Variants in CYP2F1 observed in about 807,000 individuals in gnomAD.
The protein encoded by CYP2F1 is cytochrome P450 family 2 subfamily F member 1.
Under a neutral mutation model 40.4 loss-of-function variants are expected in CYP2F1, and 33 were observed. That is an observed-to-expected ratio of 0.82 (90% CI 0.62 to 1.09). CYP2F1 has a LOEUF of 1.09. Among genes scored for constraint, CYP2F1 ranks in the 50% least tolerant of loss-of-function variants. The pLI, the probability that CYP2F1 is intolerant of heterozygous loss-of-function variation, is 0.00. For synonymous variants in CYP2F1, 235 were observed against 277.2 expected (o/e 0.85, Z 1.51); for missense variants, 566 against 655.7 (o/e 0.86, Z 1.49).
intron 7 of CYP2F1, among the ~76,000 whole-genome samples, chr19:41,124,187 C>T (rs1181380861): frequency 2.0e-5 from 3 of 147,990 alleles, no homozygotes; most frequent in Admixed American, 6.8e-5. Context: ...GCCAAGCTTT[C>T]GCCCTCACTG....
In CYP2F1 at chr19:41,116,283, C is replaced by A; in HGVS notation, c.95C>A (p.Pro32Gln). Residue 32 changes from proline to glutamine, a missense_variant, in exon 2 of 10, where the codon CCG (proline) becomes CAG (glutamine). Pro to Gln is a moderately conservative substitution (Grantham distance 76). Coordinates refer to ENST00000331105, the MANE Select transcript of CYP2F1 (RefSeq NM_000774.5). ...LSSRDKGKLP[P>Q]GPRPLSILGN... is the part of the protein sequence containing the mutation. Reference sequence around the variant, plus strand: ...TCAAGAGATAAGGGAAAGCTGCCTCCGGGACCCAGACCCCTCTCAATCCTG... The same window carrying A: ...TCAAGAGATAAGGGAAAGCTGCCTCAGGGACCCAGACCCCTCTCAATCCTG... 3 of 1,614,086 alleles carry A rather than the reference C, an allele frequency of 1.9e-6. No individual in the cohort carries two copies. The highest frequency in any genetic ancestry group is 2.5e-6 in the Non-Finnish European group (3 of 1,180,012).
chr19:41,117,583 G>A (rs1374618328), intron 3 of CYP2F1, among the ~76,000 whole-genome samples: 1 of 152,000 alleles, frequency 6.6e-6, no homozygotes, highest in Non-Finnish European at 1.5e-5. Context: ...CCAACCCCAA[G>A]TTCAAGCTCA....
At position 41,119,786 on chromosome 19, in the gene CYP2F1, T is replaced by C. The variant is rs866733175; in HGVS notation, c.335-561T>C. Among the ~76,000 whole-genome samples, 161 of 82,802 alleles carry C rather than the reference T, an allele frequency of 1.9e-3. 4 individuals are homozygous for C. Among genetic ancestry groups the C allele is most frequent in the Non-Finnish European group, 3.2e-3 (128 of 39,710 alleles). The allele number at this position is 82,802 out of a possible 152,430, so 54.3% of individuals were successfully genotyped here. ...ACACACACACACACACACACACACA[T>C]ATATATTAGGTGGGCGTGGTGGTGC... On this transcript the variant is annotated intron_variant, in intron 3 of 9. Coordinates refer to ENST00000331105, the MANE Select transcript of CYP2F1 (RefSeq NM_000774.5).
chr19:41,116,413 T>A (rs766915556), intron 2 of CYP2F1, 42 bp from the exon 3 acceptor site: 2 of 1,608,658 alleles, frequency 1.2e-6, no homozygotes. Flanking sequence ...AGGGGTCCCA[T>A]GGCCACAGGC....
rs1173108205 is a variant in CYP2F1, at chr19:41,125,635, G to A, written c.1294+1G>A. The A allele has an allele frequency of 6.2e-7, 1 of 1,613,514 alleles. No homozygotes were observed. Among genetic ancestry groups the A allele is most frequent in the African/African-American group, 1.3e-5 (1 of 74,732 alleles). On this transcript the variant is annotated splice_donor_variant, in intron 9 of 9. Coordinates refer to ENST00000331105, the MANE Select transcript of CYP2F1 (RefSeq NM_000774.5). LOFTEE classifies it high-confidence loss of function. ...CCAGCCTTCATGCCCTTCTCAGCTGGTGAGGGCAGGAATCAGAGTCTTTCT... is the reference window on the plus strand; with the variant it reads ...CCAGCCTTCATGCCCTTCTCAGCTGATGAGGGCAGGAATCAGAGTCTTTCT...
chr19:41,128,164 T>A lies in CYP2F1; in HGVS notation c.*82T>A, dbSNP rs903000017. ...TACGTCCCCTTCTTGGTCCACAGTC[T>A]GCCCTCATCCCTCTGGCAGTCACGC... On this transcript the variant is annotated 3_prime_UTR_variant, in exon 10 of 10. Transcript: ENST00000331105. The A allele has an allele frequency of 2.4e-5, 33 of 1,383,042 alleles. No individual in the cohort carries two copies. The highest frequency in any genetic ancestry group is 4.4e-5 in the Admixed American group (2 of 45,630). The allele number at this position is 1,383,042 out of a possible 1,614,324, so 85.7% of individuals were successfully genotyped here. A position where few individuals can be genotyped will look rare whatever the true frequency, so the allele number is the denominator to read the frequency against.
In CYP2F1 at chr19:41,119,731, A is replaced by C. The variant is rs1180210226; in HGVS notation, c.335-616A>C. Among the ~76,000 whole-genome samples, 31 of 45,694 alleles carry C rather than the reference A, an allele frequency of 6.8e-4. 1 individual carries two copies. The highest frequency in any genetic ancestry group is 1.0e-3 in the African/African-American group (13 of 12,644). 30.0% of individuals were successfully genotyped at this position (45,694 alleles called of 152,430 possible). A position where few individuals can be genotyped will look rare whatever the true frequency, so the allele number is the denominator to read the frequency against. On this transcript the variant is annotated intron_variant, in intron 3 of 9. Coordinates refer to ENST00000331105, the MANE Select transcript of CYP2F1 (RefSeq NM_000774.5). ...TCTCTCTCTCTCTCTCTCTATATAT[A>C]TATATATATATATATATACACACAC...
chr19:41,125,907 T>A, intron 9 of CYP2F1: 1 of 490,784 alleles, frequency 2.0e-6, no homozygotes, highest in South Asian at 1.8e-5. Flanking sequence ...CTGAGGTGGG[T>A]GGATCGCCTG....
At position 41,119,139 on chromosome 19, in the gene CYP2F1, A is replaced by G. The variant is rs2031989302; in HGVS notation, c.335-1208A>G. On this transcript the variant is annotated intron_variant, in intron 3 of 9. Coordinates refer to ENST00000331105, the MANE Select transcript of CYP2F1 (RefSeq NM_000774.5). ...AGAGGGGACCTCTAAGCTGAAACCT[A>G]AAGAATGAAGATGAGTATTCAGGAG... is the stretch of plus-strand genomic sequence containing the variant. Among the ~76,000 whole-genome samples, 2 of 152,136 alleles carry G rather than the reference A, an allele frequency of 1.3e-5. 1 individual carries two copies. The highest frequency in any genetic ancestry group is 4.1e-4 in the South Asian group (2 of 4,826).
chr19:41,120,491 C>G lies in CYP2F1; in HGVS notation c.479C>G (p.Thr160Ser). 6.2e-7 allele frequency: 1 copy of G among 1,612,330 alleles called. No individual in the cohort carries two copies. The highest frequency in any genetic ancestry group is 8.5e-7 in the Non-Finnish European group (1 of 1,179,476). ...GSFLLAELRK[T>S]EGEPFDPTFV... ...TTCCTGCTGGCGGAGCTGCGGAAAACTGAAGGTCAGGAATTTTTTTTAACA... is the reference window on the plus strand; with the variant it reads ...TTCCTGCTGGCGGAGCTGCGGAAAAGTGAAGGTCAGGAATTTTTTTTAACA... Residue 160 changes from threonine to serine, a missense_variant, in exon 4 of 10, where the codon ACT (threonine) becomes AGT (serine). Physicochemically the swap from Thr to Ser is moderately conservative, Grantham distance 58. Coordinates refer to ENST00000331105, the MANE Select transcript of CYP2F1 (RefSeq NM_000774.5).
At chr19:41,121,018 T>C (rs73545055) in intron 4 of CYP2F1, among the ~76,000 whole-genome samples, 23,572 of 151,744 alleles carry the variant, frequency 0.16, 2,499 homozygotes, top group African/African-American at 0.3. Context: ...GCTGGCTTTA[T>C]GTGTTGGTGT....
chr19:41,124,937 A>G, intron 8 of CYP2F1, 31 bp downstream of exon 8: 1 of 1,569,140 alleles, frequency 6.4e-7, no homozygotes, highest in South Asian at 1.2e-5. Context: ...GACATCAGGC[A>G]ACCTAAGAGG....
In CYP2F1 at chr19:41,122,953, A is replaced by G. The variant is rs759466316; in HGVS notation, c.954A>G (p.Pro318=). 8.7e-6 allele frequency: 14 copies of G among 1,613,034 alleles called. No homozygotes were observed. Among genetic ancestry groups the G allele is most frequent in the African/African-American group, 8.0e-5 (6 of 74,860 alleles). Residue 318 remains proline, a synonymous_variant, in exon 7 of 10, where the codon CCA becomes CCG. Coordinates refer to ENST00000331105, the MANE Select transcript of CYP2F1 (RefSeq NM_000774.5). The stretch of plus-strand genomic sequence containing the variant: ...CCTTCCTGGCACTCATGAAGTACCC[A>G]AAAGTTCAAGGTGAGGCCCACCCAC... ...HHAFLALMKY[P]KVQARVQEEI...
chr19:41,124,457 G>A (rs1313149955), intron 7 of CYP2F1, among the ~76,000 whole-genome samples: 2 of 151,720 alleles, frequency 1.3e-5, no homozygotes, highest in African/African-American at 4.8e-5. Context: ...TGGAGATTGG[G>A]TTTCACCATG....
Position 41,120,397 on chromosome 19 carries a change from A to G in CYP2F1, c.385A>G (p.Ile129Val). ...DRWKVLRQFS[I>V]QILRNFGMGK... is the part of the protein sequence containing the mutation. ...ATGGAAGGTCCTGAGACAGTTCTCT[A>G]TCCAGATTCTACGGAATTTCGGGAT... Residue 129 changes from isoleucine (I) to valine (V), a missense_variant, in exon 4 of 10, where the codon ATC becomes GTC. Physicochemically the swap from Ile to Val is conservative, Grantham distance 29. Transcript: ENST00000331105. 1 of 1,614,060 alleles carries G rather than the reference A, an allele frequency of 6.2e-7. No individual in the cohort carries two copies. Among genetic ancestry groups the G allele is most frequent in the Non-Finnish European group, 8.5e-7 (1 of 1,179,980 alleles).
At chr19:41,127,866 T>C in intron 9 of CYP2F1, 35 bp from the exon 10 acceptor site, 1 of 1,588,748 alleles carries the variant, frequency 6.3e-7, no homozygotes. Flanking sequence ...CCTCATCTTA[T>C]CTCACCGCCG....
At chr19:41,122,386 C>T (rs1248697759) in intron 6 of CYP2F1, among the ~76,000 whole-genome samples, 1 of 152,130 alleles carries the variant, frequency 6.6e-6, no homozygotes, top group African/African-American at 2.4e-5. Flanking sequence ...TATCCCAGCA[C>T]TTTGGAAGGC....
rs2031802732 is a variant in CYP2F1 at position 41,116,341 on chromosome 19, G to A, written c.153G>A (p.Met51Ile). ...GNLLLLCSQD[M>I]LTSLTKLSKE... ...TGCTGCTGCTTTGCTCCCAAGACATGCTGACTTCTCTCACTAAGGTGCAAG... is the reference window on the plus strand; with the variant it reads ...TGCTGCTGCTTTGCTCCCAAGACATACTGACTTCTCTCACTAAGGTGCAAG... The change falls in exon 2 of 10, where the codon ATG becomes ATA. Residue 51 changes from methionine to isoleucine, a missense_variant. Physicochemically the swap from Met to Ile is conservative, Grantham distance 10 (BLOSUM62 1). Transcript: ENST00000331105. The A allele has an allele frequency of 1.9e-6, 3 of 1,614,068 alleles. No homozygotes were observed. Among genetic ancestry groups the A allele is most frequent in the Non-Finnish European group, 2.5e-6 (3 of 1,180,002 alleles).
At chr19:41,125,356 G>A (rs912725380) in intron 8 of CYP2F1, 137 bp from the exon 9 acceptor site, 59 of 595,850 alleles carry the variant, frequency 9.9e-5, no homozygotes, top group Non-Finnish European at 1.7e-4. Flanking sequence ...TATTTCCTTG[G>A]CCCCCGATTG....
Sources: allele counts gnomAD v4.1 joint callset (sites outside exome capture counted in the v4.1 genomes callset), GRCh38; gene constraint gnomAD v4.1.1; transcripts MANE v1.5; gene names NCBI Gene and HGNC (gene_info 2026-07-23, HGNC 2026-07-21).